The following FBXW11 variants were observed in gnomAD, a reference collection of about 807,000 sequenced individuals.
The protein encoded by FBXW11 is F-box and WD repeat domain containing 11.
A neutral mutation model predicts 77.6 loss-of-function variants in FBXW11; 19 were observed. The observed-to-expected ratio is 0.24, with a 90% CI of 0.17 to 0.36. FBXW11 has a LOEUF of 0.36. Among genes scored for constraint, FBXW11 ranks in the 10% least tolerant of loss-of-function variants. The pLI is 1.00. For missense variants in FBXW11, 334 were observed against 704.2 expected (o/e 0.47, Z 5.95); for synonymous variants, 235 against 249.4 (o/e 0.94, Z 0.54).
intron 2 of FBXW11, among the ~76,000 whole-genome samples, chr5:171,944,225 C>T (rs965487581): frequency 6.6e-6 from 1 of 151,778 alleles, no homozygotes; most frequent in Admixed American, 6.6e-5. Context: ...TATTTATATG[C>T]ATATAATAAA....
In FBXW11 at chr5:171,876,914, A is replaced by G. The variant is rs577737019; in HGVS notation, c.972-380T>C. Among the ~76,000 whole-genome samples the G allele has an allele frequency of 6.6e-6, 1 of 152,306 alleles. No individual in the cohort carries two copies. Among genetic ancestry groups the G allele is most frequent in the East Asian group, 1.9e-4 (1 of 5,186 alleles). ...GTAGAAGTAGCTCGAAGCCCTCATC[A>G]GAAGTAGATGCTGGTGCCATGCTTC... On this transcript the variant is annotated intron_variant, in intron 8 of 13. Coordinates refer to ENST00000517395, the MANE Select transcript of FBXW11 (RefSeq NM_001378974.1). This position sits in a 1 kb window ranked among gnomAD's most constrained non-coding sequence, Gnocchi z 4.2.
chr5:171,900,040 C>A lies in FBXW11; in HGVS notation c.497G>T (p.Cys166Phe). The stretch of plus-strand genomic sequence containing the variant: ...TTCTTTACATACCAGCTCTGCTGCA[C>A]ACAGAGACCTGGCATCCAGGTACGA... ...ILSYLDARSL[C>F]AAELVCKEWQ... The change falls in exon 5 of 14, where the codon TGT (cysteine) becomes TTT (phenylalanine). Residue 166 changes from cysteine (C) to phenylalanine (F), a missense_variant. By Grantham distance (205) the Cys-to-Phe change is radical. Around this residue, in one of 10 missense-constraint regions of FBXW11, gnomAD observed 56 missense variants for 144.9 expected, o/e 0.39. Transcript: ENST00000517395. 6.2e-7 allele frequency: 1 copy of A among 1,613,696 alleles called. No homozygotes were observed. The highest frequency in any genetic ancestry group is 8.5e-7 in the Non-Finnish European group (1 of 1,179,698).
chr5:171,899,232 T>C, intron 5 of FBXW11, 138 bp from the exon 6 acceptor site: 1 of 573,628 alleles, frequency 1.7e-6, no homozygotes, highest in Non-Finnish European at 3.0e-6. Context: ...GCAGGATTTC[T>C]GACAAATTTA....
At chr5:171,877,220 A>G (rs1758146831) in intron 8 of FBXW11, among the ~76,000 whole-genome samples, 2 of 152,126 alleles carry the variant, frequency 1.3e-5, no homozygotes, top group Non-Finnish European at 2.9e-5. Context: ...TGCTGATGGC[A>G]AAAGATGATT....
At chr5:171,932,153 G>A (rs954729480) in intron 2 of FBXW11, among the ~76,000 whole-genome samples, 2 of 151,984 alleles carry the variant, frequency 1.3e-5, no homozygotes, top group Non-Finnish European at 2.9e-5. Flanking sequence ...GGGATTATAG[G>A]TGTGAGCCAC....
rs1757157977 is a variant in FBXW11, at chr5:171,862,609, T to C, written c.*1518A>G. 6.5e-6 allele frequency: 1 copy of C among 152,690 alleles called. No homozygotes were observed. Among genetic ancestry groups the C allele is most frequent in the Admixed American group, 6.5e-5 (1 of 15,282 alleles). The allele number at this position is 152,690 out of a possible 1,614,324, so 9.5% of individuals were successfully genotyped here. A position where few individuals can be genotyped will look rare whatever the true frequency, so the allele number is the denominator to read the frequency against. ...AAGGAGTGCCAATTGGATGCCAACG[T>C]CCTTTCCATGCACTGTCAGGGCAAC... On this transcript the variant is annotated 3_prime_UTR_variant, in exon 14 of 14. Transcript: ENST00000517395.
chr5:171,967,891 C>T (rs910053217), intron 1 of FBXW11, among the ~76,000 whole-genome samples: 372 of 133,168 alleles, frequency 2.8e-3, no homozygotes, highest in African/African-American at 0.013. Flanking sequence ...TATACACACA[C>T]ACACACACAC....
rs1554099767 is a variant in FBXW11, at chr5:171,913,832, C to CAT, written c.210+510_210+511insAT. On this transcript the variant is annotated intron_variant, in intron 3 of 13. Transcript: ENST00000517395. The stretch of plus-strand genomic sequence containing the variant: ...CCACACACACATACACACACACACA[C>CAT]ACACACACACACACACACACACACA... 5.4e-5 allele frequency among the ~76,000 whole-genome samples: 7 copies of CAT among 129,252 alleles called. No individual in the cohort carries two copies. The South Asian group carries it at 1.0e-3, about 19-fold the overall frequency. The allele number at this position is 129,252 out of a possible 152,430, so 84.8% of individuals were successfully genotyped here.
chr5:171,931,540 C>T (rs1468722804), intron 2 of FBXW11, among the ~76,000 whole-genome samples: 4 of 152,128 alleles, frequency 2.6e-5, no homozygotes, highest in Non-Finnish European at 5.9e-5. Flanking sequence ...GATTACAAGC[C>T]TAAATGGAAA....
At chr5:171,990,782 G>A (rs1324254831) in intron 1 of FBXW11, among the ~76,000 whole-genome samples, 3 of 152,140 alleles carry the variant, frequency 2.0e-5, no homozygotes, top group Non-Finnish European at 4.4e-5. Context: ...ACACAAGAAT[G>A]TAGTTGGGTG....
At chr5:171,963,950 T>TA (rs1464019920) in intron 1 of FBXW11, among the ~76,000 whole-genome samples, 1 of 152,196 alleles carries the variant, frequency 6.6e-6, no homozygotes, top group African/African-American at 2.4e-5. Context: ...CTGAATGTGT[T>TA]AAATTCCTTT....
At chr5:171,925,965 A>G (rs1285972701) in intron 2 of FBXW11, among the ~76,000 whole-genome samples, 1 of 152,240 alleles carries the variant, frequency 6.6e-6, no homozygotes, top group Non-Finnish European at 1.5e-5. Flanking sequence ...GTGGGAAAAA[A>G]GCAAGTCACA....
chr5:171,876,605 C>A lies in FBXW11; in HGVS notation c.972-71G>T. ...AGGAAATGATTCTGGTATCTGAGCTCTGTCTGGGTCTGCAATGGTTTGGAT... is the reference window on the plus strand; with the variant it reads ...AGGAAATGATTCTGGTATCTGAGCTATGTCTGGGTCTGCAATGGTTTGGAT... On this transcript the variant is annotated intron_variant, in intron 8 of 13. Transcript: ENST00000517395. The surrounding 1 kb of genome is among the most constrained non-coding windows in gnomAD (Gnocchi z 4.2). 6.4e-7 allele frequency: 1 copy of A among 1,557,628 alleles called. No individual in the cohort carries two copies. The highest frequency in any genetic ancestry group is 1.2e-5 in the South Asian group (1 of 84,684).
intron 2 of FBXW11, among the ~76,000 whole-genome samples, chr5:171,921,788 A>C (rs1761610890): frequency 6.6e-6 from 1 of 152,142 alleles, no homozygotes; most frequent in Non-Finnish European, 1.5e-5. Context: ...ACCCAGGCTG[A>C]AGTACAGAGG....
At chr5:171,957,411 C>A (rs564881383) in intron 2 of FBXW11, among the ~76,000 whole-genome samples, 186 bp downstream of exon 2, 1 of 152,282 alleles carries the variant, frequency 6.6e-6, no homozygotes, top group African/African-American at 2.4e-5. Flanking sequence ...GCCAAAGACC[C>A]GTTTGCTCAA....
intron 7 of FBXW11, among the ~76,000 whole-genome samples, chr5:171,889,191 A>T (rs1759129005): frequency 6.6e-6 from 1 of 152,242 alleles, no homozygotes; most frequent in Non-Finnish European, 1.5e-5. Flanking sequence ...TATCGAAAGC[A>T]TGATCCATAA....
At chr5:171,917,511 T>C (rs1010007541) in intron 2 of FBXW11, among the ~76,000 whole-genome samples, 1 of 152,200 alleles carries the variant, frequency 6.6e-6, no homozygotes. Context: ...AGGCTAGACA[T>C]ACAATTTAAT....
intron 2 of FBXW11, among the ~76,000 whole-genome samples, chr5:171,955,191 C>G (rs866426483): frequency 2.0e-5 from 3 of 152,234 alleles, no homozygotes; most frequent in Non-Finnish European, 4.4e-5. Flanking sequence ...AGGGCAACTA[C>G]TATCTTCCCT....
chr5:171,864,776 T>TAC (rs201320800), intron 13 of FBXW11, among the ~76,000 whole-genome samples: 12 of 152,106 alleles, frequency 7.9e-5, no homozygotes, highest in Admixed American at 2.6e-4. Context: ...TGTAAATATG[T>TAC]ACACACACAC....
Sources: allele counts gnomAD v4.1 joint callset (sites outside exome capture counted in the v4.1 genomes callset), GRCh38; gene constraint gnomAD v4.1.1; regional missense constraint gnomAD v4.1.1; non-coding constraint Gnocchi (gnomAD v3.1); transcripts MANE v1.5; gene names NCBI Gene and HGNC (gene_info 2026-07-23, HGNC 2026-07-21).